The following UGT1A10 variants were observed in gnomAD, a reference collection of about 807,000 sequenced individuals.
UGT1A10 encodes UDP glucuronosyltransferase family 1 member A10, also known as UDP-glucuronosyltransferase 1A10.
Under a neutral mutation model 45.8 loss-of-function variants are expected in UGT1A10, and 49 were observed. The ratio of observed to expected loss-of-function variants is 1.07; its 90% confidence interval spans 0.85 to 1.36. The LOEUF (loss-of-function observed/expected upper bound fraction) is 1.36. UGT1A10 is among the 40% of genes most tolerant of loss of function. UGT1A10 has a pLI of 0.00. For synonymous variants in UGT1A10, 284 were observed against 249.7 expected, an observed-to-expected ratio of 1.14 and a Z score of -1.29; for missense variants, 745 against 668.6, an observed-to-expected ratio of 1.11 and a Z score of -1.26.
intron 4 of UGT1A10, 99 bp downstream of exon 4, chr2:233,768,538 C>T: frequency 1.5e-6 from 2 of 1,345,412 alleles, no homozygotes; most frequent in South Asian, 1.4e-5. Context: ...AGCGTTGTTT[C>T]AAATATAAAA....
chr2:233,718,635 G>A, intron 1 of UGT1A10: 1 of 1,459,820 alleles, frequency 6.9e-7, no homozygotes, highest in Non-Finnish European at 9.2e-7. Flanking sequence ...TCTTTCCCAG[G>A]GTTGGGCCCA....
At chr2:233,754,933 C>CAAAGG (rs1267849400) in intron 1 of UGT1A10, 2 of 1,344,048 alleles carry the variant, frequency 1.5e-6, no homozygotes, top group African/African-American at 3.0e-5. Flanking sequence ...CCCAAGAGGT[C>CAAAGG]AAAGGAGAAT....
intron 1 of UGT1A10, chr2:233,760,247 T>TAA: frequency 6.2e-7 from 1 of 1,608,794 alleles, no homozygotes; most frequent in Non-Finnish European, 8.5e-7. Flanking sequence ...TATATATATA[T>TAA]AAGTAGGAGA....
At position 233,636,913 on chromosome 2, in the gene UGT1A10, C is replaced by A. The variant is rs539495441; in HGVS notation, c.391C>A (p.Arg131=). 1.2e-6 allele frequency: 2 copies of A among 1,613,982 alleles called. No individual in the cohort carries two copies. The highest frequency in any genetic ancestry group is 2.2e-5 in the South Asian group (2 of 91,044). Residue 131 remains arginine, a synonymous_variant, in exon 1 of 5, where the codon CGA becomes AGA. Coordinates refer to ENST00000344644, the MANE Select transcript of UGT1A10 (RefSeq NM_019075.4). ...FSHCRSLFND[R]KLVEYLKESS... ...GCATTGCAGGAGTTTGTTTAATGAC[C>A]GAAAATTAGTAGAATACTTAAAGGA...
At chr2:233,734,724 C>T (rs548738202) in intron 1 of UGT1A10, among the ~76,000 whole-genome samples, 2 of 150,850 alleles carry the variant, frequency 1.3e-5, no homozygotes, top group East Asian at 4.1e-4. Flanking sequence ...TCTTTGTTCT[C>T]GTCGGTTTCA....
chr2:233,675,462 C>G (rs79913681), intron 1 of UGT1A10, among the ~76,000 whole-genome samples: 3,010 of 152,142 alleles, frequency 0.02, 50 homozygotes, highest in Middle Eastern at 0.065. Context: ...TTGTCTATAC[C>G]ATCCATGGCA....
intron 1 of UGT1A10, among the ~76,000 whole-genome samples, chr2:233,687,829 A>G (rs2074864372): frequency 6.6e-6 from 1 of 152,142 alleles, no homozygotes; most frequent in Non-Finnish European, 1.5e-5. Flanking sequence ...TCTCCTGTAA[A>G]CCCAGGAGGT....
In UGT1A10 at chr2:233,769,623, G is replaced by A. The variant is rs1699907575; in HGVS notation, c.1295+1184G>A. The A allele has an allele frequency of 6.2e-7, 1 of 1,612,212 alleles. No homozygotes were observed. Among genetic ancestry groups the A allele is most frequent in the Non-Finnish European group, 8.5e-7 (1 of 1,179,652 alleles). On this transcript the variant is annotated intron_variant, in intron 4 of 4. Transcript: ENST00000344644. This position sits in a 1 kb window ranked among gnomAD's most constrained non-coding sequence, Gnocchi z 4.4. Reference sequence around the variant, plus strand: ...ACGGGGACACACCAGCTTGAGCAAGGGACAACAGGGGAGGACTGATGACTG... The same window carrying A: ...ACGGGGACACACCAGCTTGAGCAAGAGACAACAGGGGAGGACTGATGACTG...
At chr2:233,702,163 C>G (rs1426728251) in intron 1 of UGT1A10, among the ~76,000 whole-genome samples, 1 of 152,174 alleles carries the variant, frequency 6.6e-6, no homozygotes, top group East Asian at 1.9e-4. Context: ...TATTATCAGT[C>G]ACTCTTCTTT....
chr2:233,715,201 T>TA (rs991074487), intron 1 of UGT1A10, among the ~76,000 whole-genome samples: 1 of 152,178 alleles, frequency 6.6e-6, no homozygotes, highest in Non-Finnish European at 1.5e-5. Flanking sequence ...TTCTATCTTT[T>TA]AAAAGACCCT....
intron 1 of UGT1A10, among the ~76,000 whole-genome samples, chr2:233,737,806 C>A (rs575024235): frequency 6.6e-6 from 1 of 152,216 alleles, no homozygotes; most frequent in Non-Finnish European, 1.5e-5. Flanking sequence ...TCACTATCAT[C>A]TCAGTGGAGC....
At chr2:233,644,845 G>A (rs1170804615) in intron 1 of UGT1A10, among the ~76,000 whole-genome samples, 1 of 152,198 alleles carries the variant, frequency 6.6e-6, no homozygotes. Context: ...GCTCACCTGA[G>A]TTTTGGTTCT....
At position 233,740,893 on chromosome 2, in the gene UGT1A10, T is replaced by C. The variant is rs1014621537; in HGVS notation, c.856-26141T>C. 52 of 150,244 alleles carry C rather than the reference T, an allele frequency of 3.5e-4. 1 individual carries two copies. Among genetic ancestry groups the C allele is most frequent in the African/African-American group, 1.2e-3 (48 of 39,828 alleles). 9.3% of individuals were successfully genotyped at this position (150,244 alleles called of 1,614,324 possible). A position where few individuals can be genotyped will look rare whatever the true frequency, so the allele number is the denominator to read the frequency against. The stretch of plus-strand genomic sequence containing the variant: ...ATAAAATGCTCTTGCAGGGACAACA[T>C]AGTAGGTCAACATTGTTCCCATCTC... On this transcript the variant is annotated intron_variant, in intron 1 of 4. Transcript: ENST00000344644.
intron 1 of UGT1A10, among the ~76,000 whole-genome samples, chr2:233,728,333 C>T (rs2077701109): frequency 6.6e-6 from 1 of 152,198 alleles, no homozygotes; most frequent in Admixed American, 6.5e-5. Context: ...CCAGCTCCCC[C>T]AGTCCCTTGG....
rs3892170 is a variant in UGT1A10 at position 233,713,766 on chromosome 2, G to C, written c.856-53268G>C. ...CCATGCATCTGTGTGGCTGTTCCGA[G>C]GGGACTTTGTGATGGATTACCCCAG... is the stretch of plus-strand genomic sequence containing the variant. On this transcript the variant is annotated intron_variant, in intron 1 of 4. Transcript: ENST00000344644. The C allele has an allele frequency of 0.091, 144,162 of 1,587,116 alleles. 8,641 individuals are homozygous for C. Among genetic ancestry groups the C allele is most frequent in the South Asian group, 0.18 (15,878 of 87,328 alleles).
At chr2:233,717,671 C>T (rs192021569) in intron 1 of UGT1A10, 19 of 419,042 alleles carry the variant, frequency 4.5e-5, no homozygotes, top group African/African-American at 1.2e-4. Flanking sequence ...AGCAATCTTG[C>T]GAGCACATGT....
At chr2:233,689,824 G>A (rs2074961035) in intron 1 of UGT1A10, 1 of 450,264 alleles carries the variant, frequency 2.2e-6, no homozygotes, top group African/African-American at 2.0e-5. Flanking sequence ...AACATCTCTG[G>A]ACTCTAACTT....
chr2:233,772,592 C>A lies in UGT1A10; in HGVS notation c.*33C>A. 1.3e-6 allele frequency: 2 copies of A among 1,599,668 alleles called. No homozygotes were observed. The highest frequency in any genetic ancestry group is 1.7e-6 in the Non-Finnish European group (2 of 1,172,304). On this transcript the variant is annotated 3_prime_UTR_variant, in exon 5 of 5. Transcript: ENST00000344644. ...GTGGGAAATAAGGTAAAATTTTGAA[C>A]CATTCCCTAGTCATTTCCAAACTTG...
chr2:233,705,256 A>G (rs995446816), intron 1 of UGT1A10, among the ~76,000 whole-genome samples: 2 of 152,108 alleles, frequency 1.3e-5, no homozygotes, highest in Non-Finnish European at 2.9e-5. Flanking sequence ...AGATTATTCT[A>G]TGGGGTCACT....
Sources: gnomAD v4.1 joint callset for allele counts (sites outside exome capture counted in the v4.1 genomes callset) on GRCh38, gnomAD v4.1.1 for gene constraint, Gnocchi (gnomAD v3.1) non-coding constraint, MANE v1.5 for transcripts, NCBI Gene and HGNC (gene_info 2026-07-23, HGNC 2026-07-21) for gene names.